The following SRBD1 variants were observed in gnomAD, a reference collection of about 807,000 sequenced individuals.
SRBD1 encodes the protein S1 RNA-binding domain-containing protein 1.
In SRBD1, 88 loss-of-function variants were observed where a neutral mutation model predicts 115.3. That is an observed-to-expected ratio of 0.76 (90% confidence interval 0.64 to 0.91). The LOEUF is 0.91. Ranked by LOEUF, SRBD1 falls within the 40% of genes least tolerant of loss-of-function variation. The pLI is 0.00. For missense variants in SRBD1, 1,385 were observed against 1,177.4 expected (o/e 1.18, Z -2.58); for synonymous variants, 509 against 407.7 (o/e 1.25, Z -2.99).
At chr2:45,452,896 T>A (rs1393425099) in intron 16 of SRBD1, among the ~76,000 whole-genome samples, 1 of 151,922 alleles carries the variant, frequency 6.6e-6, no homozygotes, top group Non-Finnish European at 1.5e-5. Flanking sequence ...GTATACTAGG[T>A]TTTCGTTAGA....
intron 10 of SRBD1, among the ~76,000 whole-genome samples, chr2:45,557,680 G>T (rs866203899): frequency 6.6e-6 from 1 of 152,064 alleles, no homozygotes; most frequent in Admixed American, 6.6e-5. Context: ...CGGCTTCCTG[G>T]GATTTATTGA....
intron 1 of SRBD1, among the ~76,000 whole-genome samples, chr2:45,609,206 T>C (rs1674369510): frequency 6.6e-6 from 1 of 152,236 alleles, no homozygotes; most frequent in Admixed American, 6.5e-5. Flanking sequence ...TGTATACATA[T>C]CACTACAATC....
At chr2:45,476,490 C>T (rs1669806389) in intron 16 of SRBD1, among the ~76,000 whole-genome samples, 1 of 152,186 alleles carries the variant, frequency 6.6e-6, no homozygotes, top group South Asian at 2.1e-4. Context: ...TAAATTCACT[C>T]TGCCAAGGTT....
chr2:45,566,616 C>G (rs571929599), intron 9 of SRBD1, among the ~76,000 whole-genome samples: 1 of 152,070 alleles, frequency 6.6e-6, no homozygotes, highest in South Asian at 2.1e-4. Flanking sequence ...AGTGAATTTA[C>G]GAAAAACCAT....
At chr2:45,552,283 G>A (rs991179432) in intron 11 of SRBD1, among the ~76,000 whole-genome samples, 9 of 152,176 alleles carry the variant, frequency 5.9e-5, no homozygotes, top group African/African-American at 2.2e-4. Flanking sequence ...ATCAGGAGGC[G>A]TATCTGTAGA....
chr2:45,604,794 T>C (rs1011247476), intron 2 of SRBD1, among the ~76,000 whole-genome samples: 1 of 152,234 alleles, frequency 6.6e-6, no homozygotes, highest in Admixed American at 6.5e-5. Flanking sequence ...TGCCCTGTTT[T>C]ATTTTTCTTT....
At chr2:45,573,631 G>T (rs1436939449) in intron 8 of SRBD1, among the ~76,000 whole-genome samples, 2 of 151,966 alleles carry the variant, frequency 1.3e-5, no homozygotes, top group Non-Finnish European at 2.9e-5. Context: ...ACTATCTATA[G>T]AAATCAAACC....
chr2:45,438,642 A>AAG (rs74277906), intron 16 of SRBD1, among the ~76,000 whole-genome samples: 68,757 of 151,830 alleles, frequency 0.45, 16,829 homozygotes, highest in Non-Finnish European at 0.57. Flanking sequence ...AGTGAACACG[A>AAG]AGAGAGATAT....
intron 10 of SRBD1, among the ~76,000 whole-genome samples, chr2:45,556,908 A>G (rs1426482728): frequency 6.6e-6 from 1 of 152,118 alleles, no homozygotes; most frequent in Non-Finnish European, 1.5e-5. Context: ...AATACATTCT[A>G]TGTAAGTTTT....
intron 14 of SRBD1, among the ~76,000 whole-genome samples, chr2:45,524,083 GA>G (rs779434994): frequency 1.3e-5 from 2 of 152,068 alleles, no homozygotes; most frequent in East Asian, 3.9e-4. Flanking sequence ...ACAAAAAAAG[GA>G]GTTTGACAGA....
intron 9 of SRBD1, among the ~76,000 whole-genome samples, chr2:45,567,339 G>C (rs1294153657): frequency 1.3e-5 from 2 of 152,060 alleles, no homozygotes; most frequent in African/African-American, 4.8e-5. Context: ...GCTGGGTATG[G>C]GGGCTCATGC....
At chr2:45,571,127 G>C (rs1174710939) in intron 9 of SRBD1, among the ~76,000 whole-genome samples, 2 of 152,070 alleles carry the variant, frequency 1.3e-5, no homozygotes, top group Admixed American at 1.3e-4. Flanking sequence ...ATGAACTTTG[G>C]GCTCCATGCA....
intron 16 of SRBD1, among the ~76,000 whole-genome samples, chr2:45,446,053 G>C (rs963786085): frequency 7.9e-5 from 12 of 152,178 alleles, no homozygotes; most frequent in African/African-American, 2.9e-4. Context: ...GCTCCTGTCA[G>C]GCAGACCCTC....
intron 3 of SRBD1, 110 bp from the exon 4 acceptor site, chr2:45,599,945 G>A (rs934928378): frequency 4.8e-6 from 6 of 1,245,616 alleles, no homozygotes; most frequent in South Asian, 3.2e-5. Flanking sequence ...CAATAACTTG[G>A]AAGAATCTCA....
At chr2:45,389,697 C>A in intron 20 of SRBD1, 98 bp from the exon 21 acceptor site, 3 of 1,209,050 alleles carry the variant, frequency 2.5e-6, no homozygotes, top group Non-Finnish European at 3.4e-6. Flanking sequence ...TGTGCCCAGA[C>A]CAATATTAAA....
At chr2:45,546,259 G>T in intron 14 of SRBD1, 1 of 985,364 alleles carries the variant, frequency 1.0e-6, no homozygotes. Flanking sequence ...AAAAGTTTGT[G>T]ACCAAGGGAT....
chr2:45,565,610 A>G (rs1229933806), intron 9 of SRBD1, among the ~76,000 whole-genome samples: 3 of 152,224 alleles, frequency 2.0e-5, no homozygotes, highest in Non-Finnish European at 4.4e-5. Context: ...CAATAACAAA[A>G]AACTAGATTG....
rs116599679 is a variant in SRBD1, at chr2:45,460,668, T to C, written c.2049+16325A>G. Among the ~76,000 whole-genome samples the C allele has an allele frequency of 4.3e-3, 662 of 152,264 alleles. 6 individuals are homozygous for C. Among genetic ancestry groups the C allele is most frequent in the African/African-American group, 0.015 (616 of 41,564 alleles). On this transcript the variant is annotated intron_variant, in intron 16 of 20. Coordinates refer to ENST00000263736, the MANE Select transcript of SRBD1 (RefSeq NM_018079.5). ...ACTCCCAAGAATAACTTCTTAAATC[T>C]CAACTTTATAAAAAGTAGCAAAACC...
intron 14 of SRBD1, among the ~76,000 whole-genome samples, chr2:45,541,772 AC>A (rs1023955535): frequency 6.6e-6 from 1 of 152,218 alleles, no homozygotes; most frequent in African/African-American, 2.4e-5. Flanking sequence ...CAGAGAGCAG[AC>A]CCAAAGTGGG....
Sources: allele counts gnomAD v4.1 joint callset (sites outside exome capture counted in the v4.1 genomes callset), GRCh38; gene constraint gnomAD v4.1.1; transcripts MANE v1.5; gene names NCBI Gene and HGNC (gene_info 2026-07-23, HGNC 2026-07-21).